The following WDR35 variants were observed in gnomAD, a reference collection of about 807,000 sequenced individuals.
WDR35 encodes WD repeat domain 35.
WDR35 carries 118 observed loss-of-function variants against 158.3 expected under a neutral mutation model. The ratio of observed to expected loss-of-function variants is 0.75; its 90% confidence interval spans 0.64 to 0.87. The LOEUF (loss-of-function observed/expected upper bound fraction) is 0.87, where lower values mean the gene tolerates loss of function less well. WDR35 is among the 40% of genes least tolerant of loss of function. The pLI, the probability that WDR35 is intolerant of heterozygous loss-of-function variation, is 0.00. For synonymous variants in WDR35, 448 were observed against 476.1 expected (o/e 0.94, Z 0.77); for missense variants, 1,263 against 1,405.8 (o/e 0.90, Z 1.62).
At position 19,948,209 on chromosome 2, in the gene WDR35, C is replaced by T. The variant is rs1671118335; in HGVS notation, c.1479G>A (p.Arg493=). 1 of 1,609,606 alleles carries T rather than the reference C, an allele frequency of 6.2e-7. No homozygotes were observed. The highest frequency in any genetic ancestry group is 8.5e-7 in the Non-Finnish European group (1 of 1,178,558). Reference sequence around the variant, plus strand: ...ATGCAGTTATGGCACAAATTGGATCCCTTGTGCCCTAAAATAAATTAATCA... The same window carrying T: ...ATGCAGTTATGGCACAAATTGGATCTCTTGTGCCCTAAAATAAATTAATCA... ...LDYSKTIQGT[R]DPICAITASD... is the part of the protein sequence containing the mutation. The change falls in exon 14 of 27, where the codon AGG becomes AGA. Residue 493 remains arginine (R), a synonymous_variant. Coordinates refer to ENST00000281405, the MANE Select transcript of WDR35 (RefSeq NM_020779.4).
chr2:19,978,745 C>A lies in WDR35; in HGVS notation c.436+6G>T. On this transcript the variant is annotated splice_donor_region_variant and intron_variant, in intron 5 of 26. Transcript: ENST00000281405. ...ATCTTAGTTCTATGTCCAATCAATA[C>A]ATTACCATCCACTGAACCAACTATC... 1 of 1,613,668 alleles carries A rather than the reference C, an allele frequency of 6.2e-7. No individual in the cohort carries two copies. The highest frequency in any genetic ancestry group is 8.5e-7 in the Non-Finnish European group (1 of 1,179,746).
intron 8 of WDR35, among the ~76,000 whole-genome samples, chr2:19,971,482 A>G (rs1046991823): frequency 6.6e-6 from 1 of 152,146 alleles, no homozygotes; most frequent in East Asian, 1.9e-4. Context: ...CCCTCACCAG[A>G]TGTCAGTAGC....
chr2:19,915,065 C>A (rs1669950726), intron 25 of WDR35, among the ~76,000 whole-genome samples: 1 of 151,466 alleles, frequency 6.6e-6, no homozygotes, highest in African/African-American at 2.4e-5. Flanking sequence ...GTACATGTAC[C>A]CCAGAACTTA....
chr2:19,974,533 C>T lies in WDR35; in HGVS notation c.671G>A (p.Cys224Tyr), dbSNP rs749928799. Reference sequence around the variant, plus strand: ...ATCAAAGCAAACAGCAAGGCAAGGGCAATCAGGCTCCACGTAGCCTTCTGT... The same window carrying T: ...ATCAAAGCAAACAGCAAGGCAAGGGTAATCAGGCTCCACGTAGCCTTCTGT... ...HGTEGYVEPD[C>Y]PCLAVCFDNG... The change falls in exon 7 of 27, where the codon TGC (cysteine) becomes TAC (tyrosine). Residue 224 changes from cysteine (C) to tyrosine (Y), a missense_variant. Physicochemically the swap from Cys to Tyr is radical, Grantham distance 194 (BLOSUM62 -2). Coordinates refer to ENST00000281405, the MANE Select transcript of WDR35 (RefSeq NM_020779.4). 4.3e-6 allele frequency: 7 copies of T among 1,612,644 alleles called. No individual in the cohort carries two copies. In the East Asian group the frequency reaches 8.9e-5, roughly 21 times the overall value.
chr2:19,928,487 C>G (rs1033029023), intron 25 of WDR35, among the ~76,000 whole-genome samples: 2 of 152,114 alleles, frequency 1.3e-5, no homozygotes, highest in African/African-American at 4.8e-5. Flanking sequence ...TGGTTAGGGT[C>G]TCCCTGACTG....
chr2:19,932,738 G>A (rs896017268), intron 22 of WDR35, among the ~76,000 whole-genome samples: 2 of 151,922 alleles, frequency 1.3e-5, no homozygotes, highest in South Asian at 4.1e-4. Context: ...AAAACTTCAA[G>A]CAAGAAAGAT....
rs539664568 is a variant in WDR35 at position 19,934,621 on chromosome 2, A to G, written c.2547+850T>C. Among the ~76,000 whole-genome samples the G allele has an allele frequency of 2.6e-5, 4 of 152,292 alleles. No individual in the cohort carries two copies. The highest frequency in any genetic ancestry group is 9.6e-5 in the African/African-American group (4 of 41,566). ...CTGGATACCCTACAGCAAAATGTTTATCGGCATCATCAGACACATCTAACA... is the reference window on the plus strand; with the variant it reads ...CTGGATACCCTACAGCAAAATGTTTGTCGGCATCATCAGACACATCTAACA... On this transcript the variant is annotated intron_variant, in intron 21 of 26. Transcript: ENST00000281405. This position sits in a 1 kb window ranked among gnomAD's most constrained non-coding sequence, Gnocchi z 4.6.
At chr2:19,913,989 A>C (rs764933063) in intron 26 of WDR35, 48 bp downstream of exon 26, 11 of 1,610,658 alleles carry the variant, frequency 6.8e-6, no homozygotes, top group Non-Finnish European at 8.5e-6. Context: ...CTAGAAATCC[A>C]AGCTTCTAAT....
intron 17 of WDR35, among the ~76,000 whole-genome samples, chr2:19,940,934 A>G (rs545571082): frequency 6.9e-4 from 105 of 152,220 alleles, no homozygotes; most frequent in Non-Finnish European, 1.4e-3. Context: ...TCCAAACCAA[A>G]TTTTGGGTGG....
At chr2:19,943,372 C>T (rs1348288093) in intron 16 of WDR35, among the ~76,000 whole-genome samples, 1 of 151,946 alleles carries the variant, frequency 6.6e-6, no homozygotes, top group Non-Finnish European at 1.5e-5. Context: ...TTAACAAAAC[C>T]TTGCTCTAAA....
rs766615049 is a variant in WDR35, at chr2:19,936,182, G to C, written c.2414+37C>G. ...AGTACTCAGGCAGCTACTAAGTGTT[G>C]CATGAATGCTTGAGGAGCTCCAGGT... On this transcript the variant is annotated intron_variant, in intron 20 of 26. Transcript: ENST00000281405. The C allele has an allele frequency of 1.9e-6, 3 of 1,613,242 alleles. No homozygotes were observed. In the South Asian group the frequency reaches 3.3e-5, roughly 18 times the overall value.
chr2:19,968,593 T>C (rs1247675168), intron 9 of WDR35, among the ~76,000 whole-genome samples: 3 of 152,206 alleles, frequency 2.0e-5, no homozygotes, highest in African/African-American at 7.2e-5. Flanking sequence ...TTTTGACATT[T>C]CCCCATCCTT....
intron 12 of WDR35, among the ~76,000 whole-genome samples, chr2:19,952,892 C>T (rs1330837477): frequency 1.3e-5 from 2 of 151,272 alleles, no homozygotes; most frequent in Admixed American, 1.3e-4. Context: ...GGGTTCACGC[C>T]ATTCTCCTGC....
chr2:19,981,186 C>T lies in WDR35; in HGVS notation c.215-403G>A, dbSNP rs186256663. Reference sequence around the variant, plus strand: ...TTTTGGTAGATATGTCCTATAATCTCTCTTCTGCCCACCTCTCACTCGTTT... The same window carrying T: ...TTTTGGTAGATATGTCCTATAATCTTTCTTCTGCCCACCTCTCACTCGTTT... On this transcript the variant is annotated intron_variant, in intron 3 of 26. Transcript: ENST00000281405. Among the ~76,000 whole-genome samples, 422 of 152,298 alleles carry T rather than the reference C, an allele frequency of 2.8e-3. 5 individuals are homozygous for T. The highest frequency in any genetic ancestry group is 1.4e-3 in the Non-Finnish European group (97 of 68,022).
At position 19,937,790 on chromosome 2, in the gene WDR35, G is replaced by A. The variant is rs535522970; in HGVS notation, c.2220C>T (p.Phe740=). 60 of 1,614,026 alleles carry A rather than the reference G, an allele frequency of 3.7e-5. No homozygotes were observed. The Middle Eastern group carries it at 4.9e-4, about 13-fold the overall frequency. ...SMKQAEVVGY[F]GRFEEAERTY... is the part of the protein sequence containing the mutation. ...TTCTTTCAGCCTCTTCAAACCTGCC[G>A]AAGTAGCCAACAACTTCAGCCTGTT... Residue 740 remains phenylalanine (F), a synonymous_variant, in exon 19 of 27, where the codon TTC becomes TTT. Coordinates refer to ENST00000281405, the MANE Select transcript of WDR35 (RefSeq NM_020779.4).
At chr2:19,970,970 A>G (rs1391844692) in intron 8 of WDR35, among the ~76,000 whole-genome samples, 2 of 152,176 alleles carry the variant, frequency 1.3e-5, no homozygotes, top group Non-Finnish European at 2.9e-5. Context: ...CCTTTCCATT[A>G]ATAGATTATT....
intron 25 of WDR35, among the ~76,000 whole-genome samples, chr2:19,926,632 T>C (rs1245204866): frequency 6.6e-6 from 1 of 152,260 alleles, no homozygotes; most frequent in African/African-American, 2.4e-5. Flanking sequence ...TTATTAACTT[T>C]AAATTTTTTG....
intron 11 of WDR35, 30 bp from the exon 12 acceptor site, chr2:19,954,008 A>G: frequency 6.2e-7 from 1 of 1,613,486 alleles, no homozygotes; most frequent in Non-Finnish European, 8.5e-7. Context: ...GATAATTTAC[A>G]GTTACACAGA....
At position 19,960,691 on chromosome 2, in the gene WDR35, G is replaced by A. The variant is rs1284383125; in HGVS notation, c.1195-77C>T. On this transcript the variant is annotated intron_variant, in intron 10 of 26. Transcript: ENST00000281405. ...AGGAAATATGCTTAATATATATCAT[G>A]CTTATCTCTTTTTCAAGTATTGCTA... 9 of 1,121,604 alleles carry A rather than the reference G, an allele frequency of 8.0e-6. 1 individual carries two copies. In the East Asian group the frequency reaches 2.2e-4, roughly 27 times the overall value. 69.5% of individuals were successfully genotyped at this position (1,121,604 alleles called of 1,614,324 possible). A position where few individuals can be genotyped will look rare whatever the true frequency, so the allele number is the denominator to read the frequency against.
Sources: allele counts gnomAD v4.1 joint callset (sites outside exome capture counted in the v4.1 genomes callset), GRCh38; gene constraint gnomAD v4.1.1; non-coding constraint Gnocchi (gnomAD v3.1); transcripts MANE v1.5; gene names NCBI Gene and HGNC (gene_info 2026-07-23, HGNC 2026-07-21).